TMTC1: variants seen among roughly 807,000 people sequenced by gnomAD.
TMTC1 encodes protein O-mannosyl-transferase TMTC1.
A neutral mutation model predicts 104.8 loss-of-function variants in TMTC1; 73 were observed. That is an observed-to-expected ratio of 0.70 (90% confidence interval 0.58 to 0.85). TMTC1 has a LOEUF of 0.85. Ranked by LOEUF, TMTC1 falls within the 40% of genes least tolerant of loss-of-function variation. The pLI is 0.00. For missense variants in TMTC1, 1,035 were observed against 1,096.1 expected (o/e 0.94, Z 0.79); for synonymous variants, 434 against 428.7 (o/e 1.01, Z -0.15).
At chr12:29,767,102 A>C (rs1001019919) in intron 2 of TMTC1, among the ~76,000 whole-genome samples, 2 of 151,950 alleles carry the variant, frequency 1.3e-5, no homozygotes, top group African/African-American at 2.4e-5. Context: ...GGCACCCGCC[A>C]CTGCACCTGG....
intron 5 of TMTC1, among the ~76,000 whole-genome samples, chr12:29,738,259 A>G (rs1352020587): frequency 6.6e-6 from 1 of 152,190 alleles, no homozygotes; most frequent in East Asian, 1.9e-4. Flanking sequence ...CTAATCCCTG[A>G]GCACGCCACA....
intron 5 of TMTC1, among the ~76,000 whole-genome samples, chr12:29,677,795 T>C (rs770713496): frequency 6.6e-6 from 1 of 152,246 alleles, no homozygotes; most frequent in Non-Finnish European, 1.5e-5. Flanking sequence ...ACAGTGCTTG[T>C]ACTCAAGGAA....
intron 11 of TMTC1, 87 bp downstream of exon 11, chr12:29,536,122 A>T (rs1228385373): frequency 1.1e-6 from 1 of 923,440 alleles, no homozygotes; most frequent in Non-Finnish European, 1.7e-6. Context: ...GGGTTTACAA[A>T]TTAAATCATT....
intron 5 of TMTC1, among the ~76,000 whole-genome samples, chr12:29,724,899 T>C (rs1011352482): frequency 1.1e-4 from 16 of 151,272 alleles, no homozygotes; most frequent in Non-Finnish European, 2.1e-4. Context: ...GTAAAATAAA[T>C]AGATTATACA....
chr12:29,503,656 T>G lies in TMTC1; in HGVS notation c.*3190A>C, dbSNP rs1463776578. On this transcript the variant is annotated 3_prime_UTR_variant, in exon 18 of 18. Coordinates refer to ENST00000539277, the MANE Select transcript of TMTC1 (RefSeq NM_001193451.2). Reference sequence around the variant, plus strand: ...GTAACACAATCATAAAATGAAACTCTGATCATTGGTTCAAATGTTCAGCCA... The same window carrying G: ...GTAACACAATCATAAAATGAAACTCGGATCATTGGTTCAAATGTTCAGCCA... 1.3e-5 allele frequency: 2 copies of G among 152,246 alleles called. No homozygotes were observed. Among genetic ancestry groups the G allele is most frequent in the Non-Finnish European group, 2.9e-5 (2 of 68,046 alleles). 9.4% of individuals were successfully genotyped at this position (152,246 alleles called of 1,614,324 possible).
At chr12:29,728,198 A>T (rs1942451289) in intron 5 of TMTC1, among the ~76,000 whole-genome samples, 1 of 152,140 alleles carries the variant, frequency 6.6e-6, no homozygotes, top group Admixed American at 6.5e-5. Flanking sequence ...GGGAGTGAGG[A>T]TCCATGGGGC....
At chr12:29,690,863 CT>C (rs1168610140) in intron 5 of TMTC1, among the ~76,000 whole-genome samples, 2 of 152,174 alleles carry the variant, frequency 1.3e-5, no homozygotes, top group Non-Finnish European at 2.9e-5. Context: ...ATGAAACTGC[CT>C]TTGCAAAAAT....
intron 5 of TMTC1, among the ~76,000 whole-genome samples, chr12:29,751,283 C>T (rs1470554858): frequency 6.6e-6 from 1 of 152,120 alleles, no homozygotes; most frequent in African/African-American, 2.4e-5. Flanking sequence ...GGTTTCCTCC[C>T]ATATTTGGAC....
chr12:29,783,399 G>C lies in TMTC1; in HGVS notation c.302+51C>G, dbSNP rs957238918. On this transcript the variant is annotated intron_variant, in intron 1 of 17. Coordinates refer to ENST00000539277, the MANE Select transcript of TMTC1 (RefSeq NM_001193451.2). This position sits in a 1 kb window ranked among gnomAD's most constrained non-coding sequence, Gnocchi z 4.7. ...CGCAACTTCTCCCGGTCCGAGGGAC[G>C]GGCGGAGGGTAGAGGAGGCAGCGGC... The C allele has an allele frequency of 5.8e-5, 73 of 1,261,772 alleles. No homozygotes were observed. The highest frequency in any genetic ancestry group is 6.7e-5 in the Non-Finnish European group (67 of 1,000,760). The allele number at this position is 1,261,772 out of a possible 1,614,324, so 78.2% of individuals were successfully genotyped here.
At chr12:29,700,897 T>C (rs1345419249) in intron 5 of TMTC1, among the ~76,000 whole-genome samples, 1 of 152,182 alleles carries the variant, frequency 6.6e-6, no homozygotes, top group Non-Finnish European at 1.5e-5. Context: ...ACATTACTCA[T>C]TGTCGTGACA....
rs1294059362 is a variant in TMTC1, at chr12:29,710,301, T to G, written c.938+41365A>C. Among the ~76,000 whole-genome samples, 3 of 152,102 alleles carry G rather than the reference T, an allele frequency of 2.0e-5. No homozygotes were observed. In the East Asian group the frequency reaches 5.8e-4, roughly 29 times the overall value. ...ACAGCAGATCTTTTGTAAGTCACTTTGGCTGCTCTTGCTCCCAGCTGCATG... is the reference window on the plus strand; with the variant it reads ...ACAGCAGATCTTTTGTAAGTCACTTGGGCTGCTCTTGCTCCCAGCTGCATG... On this transcript the variant is annotated intron_variant, in intron 5 of 17. Transcript: ENST00000539277.
chr12:29,694,980 T>C (rs1225960724), intron 5 of TMTC1, among the ~76,000 whole-genome samples: 1 of 151,736 alleles, frequency 6.6e-6, no homozygotes, highest in Non-Finnish European at 1.5e-5. Context: ...CCTGCAACAA[T>C]CTATTTTCTC....
chr12:29,644,226 A>T (rs909291876), intron 5 of TMTC1, among the ~76,000 whole-genome samples: 1 of 148,064 alleles, frequency 6.8e-6, no homozygotes, highest in African/African-American at 2.5e-5. Flanking sequence ...CCTGGATGGG[A>T]CTAGAGACTA....
intron 5 of TMTC1, among the ~76,000 whole-genome samples, chr12:29,704,665 A>G (rs2136812764): frequency 6.6e-6 from 1 of 152,352 alleles, no homozygotes; most frequent in Non-Finnish European, 1.5e-5. Context: ...ATAACTCCAT[A>G]GGTAGAGGGC....
chr12:29,599,160 A>G (rs1206354768), intron 7 of TMTC1, among the ~76,000 whole-genome samples: 1 of 152,240 alleles, frequency 6.6e-6, no homozygotes, highest in African/African-American at 2.4e-5. Context: ...CCATTCTAAG[A>G]AATTTTAGTT....
At chr12:29,663,795 G>T (rs1940148310) in intron 5 of TMTC1, among the ~76,000 whole-genome samples, 1 of 151,480 alleles carries the variant, frequency 6.6e-6, no homozygotes, top group Non-Finnish European at 1.5e-5. Context: ...GGGATTACAG[G>T]CGTGAGCCAC....
chr12:29,653,663 A>G (rs1020473813), intron 5 of TMTC1, among the ~76,000 whole-genome samples: 2 of 152,348 alleles, frequency 1.3e-5, no homozygotes, highest in African/African-American at 4.8e-5. Flanking sequence ...GTTATTGGTC[A>G]GTCACAAAGA....
intron 5 of TMTC1, among the ~76,000 whole-genome samples, chr12:29,663,577 C>T (rs960664242): frequency 4.0e-5 from 6 of 151,788 alleles, no homozygotes; most frequent in East Asian, 1.9e-4. Flanking sequence ...AGTGTAGTGG[C>T]GTGATCTCAG....
chr12:29,554,210 T>C (rs528330116), intron 10 of TMTC1, among the ~76,000 whole-genome samples: 2 of 152,284 alleles, frequency 1.3e-5, no homozygotes, highest in South Asian at 4.1e-4. Flanking sequence ...AACATGATAA[T>C]GATCTGTATC....
Sources: allele counts gnomAD v4.1 joint callset (sites outside exome capture counted in the v4.1 genomes callset), GRCh38; gene constraint gnomAD v4.1.1; non-coding constraint Gnocchi (gnomAD v3.1); transcripts MANE v1.5; gene names NCBI Gene and HGNC (gene_info 2026-07-23, HGNC 2026-07-21).